Variants in TRIM3 observed in about 807,000 individuals in gnomAD.
TRIM3 encodes the protein tripartite motif-containing protein 3.
In TRIM3, 13 loss-of-function variants were observed where a neutral mutation model predicts 66.6. The observed-to-expected ratio is 0.20, with a 90% CI of 0.13 to 0.31. TRIM3 has a LOEUF of 0.31. Ranked by LOEUF, TRIM3 falls within the 10% of genes least tolerant of loss-of-function variation. TRIM3 has a pLI of 1.00. For missense variants in TRIM3, 711 were observed against 1,020.4 expected (o/e 0.70, Z 4.13); for synonymous variants, 406 against 411.7 (o/e 0.99, Z 0.17).
intron 2 of TRIM3, among the ~76,000 whole-genome samples, chr11:6,464,986 C>CAAAAAAAA (rs544959608): frequency 1.7e-4 from 9 of 54,160 alleles, no homozygotes; most frequent in Admixed American, 2.6e-4. Flanking sequence ...GACTCCATCT[C>CAAAAAAAA]AAAAAAAAAA....
At position 6,453,539 on chromosome 11, in the gene TRIM3, A is replaced by G. The variant is rs111604890; in HGVS notation, c.1534-2101T>C. On this transcript the variant is annotated intron_variant, in intron 7 of 11. Transcript: ENST00000345851. Reference sequence around the variant, plus strand: ...ACAAAACAAAACCAGACAAAAACAAAAACAAACCAGTGATTCCAGTAAAGT... The same window carrying G: ...ACAAAACAAAACCAGACAAAAACAAGAACAAACCAGTGATTCCAGTAAAGT... 5.1e-3 allele frequency among the ~76,000 whole-genome samples: 783 copies of G among 152,296 alleles called. 7 individuals carry two copies. The highest frequency in any genetic ancestry group is 0.018 in the African/African-American group (740 of 41,544).
At chr11:6,464,812 C>A (rs1334826790) in intron 2 of TRIM3, among the ~76,000 whole-genome samples, 1 of 151,990 alleles carries the variant, frequency 6.6e-6, no homozygotes, top group Non-Finnish European at 1.5e-5. Context: ...CACGGTGAAA[C>A]CCCATCTGTA....
rs545494291 is a variant in TRIM3 at position 6,450,530 on chromosome 11, G to A, written c.1941+21C>T. The A allele has an allele frequency of 5.4e-5, 87 of 1,608,536 alleles. 1 individual carries two copies. In the South Asian group the frequency reaches 7.9e-4, roughly 15 times the overall value. On this transcript the variant is annotated intron_variant, in intron 10 of 11. Transcript: ENST00000345851. This position sits in a 1 kb window ranked among gnomAD's most constrained non-coding sequence, Gnocchi z 4.8. The stretch of plus-strand genomic sequence containing the variant: ...GAAAGGATGTTGGGACAGTGGTCAC[G>A]GAGGGAGGGAAGACACTGACCTTCA...
Position 6,458,278 on chromosome 11 carries a change from G to A in TRIM3, c.150C>T (p.Ile50=). 2 of 1,613,792 alleles carry A rather than the reference G, an allele frequency of 1.2e-6. No individual in the cohort carries two copies. Among genetic ancestry groups the A allele is most frequent in the Non-Finnish European group, 8.5e-7 (1 of 1,179,702 alleles). Residue 50 remains isoleucine (I), a synonymous_variant, in exon 3 of 12, where the codon ATC becomes ATT. Transcript: ENST00000345851. This position sits in a 1 kb window ranked among gnomAD's most constrained non-coding sequence, Gnocchi z 6.2. ...AGGATAGCGTCAGGCTCTGGGCAGG[G>A]ATATAGTTTTGGAGACATCTGTCCA... is the stretch of plus-strand genomic sequence containing the variant. ...TFCERCLQNY[I]PAQSLTLSCP...
Position 6,450,857 on chromosome 11 carries a change from G to GT in TRIM3, c.1870+34dup. On this transcript the variant is annotated intron_variant, in intron 9 of 11. Coordinates refer to ENST00000345851, the MANE Select transcript of TRIM3 (RefSeq NM_033278.4). The surrounding 1 kb of genome is among the most constrained non-coding windows in gnomAD (Gnocchi z 4.8). ...TCTAGGGGAGTTCTCTGGAACAGGGGTATCAGCATAGATCTTGGAGCTGTC... is the reference window on the plus strand; with the variant it reads ...TCTAGGGGAGTTCTCTGGAACAGGGGTTATCAGCATAGATCTTGGAGCTGTC... 1 of 1,611,558 alleles carries GT rather than the reference G, an allele frequency of 6.2e-7. No homozygotes were observed. Among genetic ancestry groups the GT allele is most frequent in the South Asian group, 1.1e-5 (1 of 90,912 alleles).
Position 6,457,635 on chromosome 11 carries a change from C to G in TRIM3, c.515+61G>C. 1.9e-6 allele frequency: 3 copies of G among 1,575,192 alleles called. No individual in the cohort carries two copies. The highest frequency in any genetic ancestry group is 2.6e-6 in the Non-Finnish European group (3 of 1,158,036). On this transcript the variant is annotated intron_variant, in intron 4 of 11. Coordinates refer to ENST00000345851, the MANE Select transcript of TRIM3 (RefSeq NM_033278.4). The surrounding 1 kb of genome is among the most constrained non-coding windows in gnomAD (Gnocchi z 4.5). Reference sequence around the variant, plus strand: ...TTCCCAGACCCTTTATTCCCCTCCCCGCCCGAGCTAAGACACCATCCCTGT... The same window carrying G: ...TTCCCAGACCCTTTATTCCCCTCCCGGCCCGAGCTAAGACACCATCCCTGT...
rs781187322 is a variant in TRIM3, at chr11:6,457,376, C to G, written c.616G>C (p.Glu206Gln). 1 of 1,613,922 alleles carries G rather than the reference C, an allele frequency of 6.2e-7. No individual in the cohort carries two copies. The highest frequency in any genetic ancestry group is 8.5e-7 in the Non-Finnish European group (1 of 1,179,858). The change falls in exon 5 of 12, where the codon GAG becomes CAG. Residue 206 changes from glutamate to glutamine, a missense_variant. Around this residue, in one of 3 missense-constraint regions of TRIM3, gnomAD observed 399 missense variants for 458.1 expected, o/e 0.87. Coordinates refer to ENST00000345851, the MANE Select transcript of TRIM3 (RefSeq NM_033278.4). The surrounding 1 kb of genome is among the most constrained non-coding windows in gnomAD (Gnocchi z 4.5). ...EALAQISAAF[E>Q]DLEQALQQRK... ...TGCTGCAGTGCTTGCTCCAGGTCCTCGAACGCTGCACTGATCTGGGCCAGG... is the reference window on the plus strand; with the variant it reads ...TGCTGCAGTGCTTGCTCCAGGTCCTGGAACGCTGCACTGATCTGGGCCAGG...
In TRIM3 at chr11:6,456,313, C is replaced by T. The variant is rs1849967776; in HGVS notation, c.1413G>A (p.Glu471=). ...TGTCTGTACCAACACGGAAGACGAG[C>T]TCATCCTCAATTGGGTTGTCCTTTC... ...GKRKDNPIED[E]LVFRVGSRGR... is the part of the protein sequence containing the mutation. The change falls in exon 6 of 12, where the codon GAG becomes GAA. Residue 471 remains glutamate (E), a synonymous_variant. Coordinates refer to ENST00000345851, the MANE Select transcript of TRIM3 (RefSeq NM_033278.4). The surrounding 1 kb of genome is among the most constrained non-coding windows in gnomAD (Gnocchi z 6.4). The T allele has an allele frequency of 5.2e-6, 8 of 1,551,562 alleles. No individual in the cohort carries two copies. Among genetic ancestry groups the T allele is most frequent in the South Asian group, 1.2e-5 (1 of 80,850 alleles).
intron 2 of TRIM3, among the ~76,000 whole-genome samples, chr11:6,463,627 A>T (rs1201587898): frequency 1.3e-5 from 2 of 152,232 alleles, no homozygotes; most frequent in Admixed American, 1.3e-4. Context: ...CTGGGAAAAG[A>T]GGGAGCAGTC....
intron 8 of TRIM3, 64 bp downstream of exon 8, chr11:6,451,207 G>A: frequency 6.3e-7 from 1 of 1,598,392 alleles, no homozygotes; most frequent in South Asian, 1.1e-5. Context: ...TGACCACCAA[G>A]AGGCACTAGA....
rs1327911545 is a variant in TRIM3, at chr11:6,457,271, A to G, written c.696+25T>C. The G allele has an allele frequency of 6.2e-7, 1 of 1,611,610 alleles. No homozygotes were observed. The highest frequency in any genetic ancestry group is 8.5e-7 in the Non-Finnish European group (1 of 1,178,420). ...TAACACCATCACAATGGACGATGGT[A>G]GGAAAGGGTGAACACAAGACACACC... On this transcript the variant is annotated intron_variant, in intron 5 of 11. Transcript: ENST00000345851. The surrounding 1 kb of genome is among the most constrained non-coding windows in gnomAD (Gnocchi z 4.5).
Position 6,457,606 on chromosome 11 carries a change from GC to G in TRIM3, c.515+89del. 3.2e-6 allele frequency: 5 copies of G among 1,553,648 alleles called. No homozygotes were observed. In the South Asian group the frequency reaches 6.0e-5, roughly 19 times the overall value. On this transcript the variant is annotated intron_variant, in intron 4 of 11. Coordinates refer to ENST00000345851, the MANE Select transcript of TRIM3 (RefSeq NM_033278.4). This position sits in a 1 kb window ranked among gnomAD's most constrained non-coding sequence, Gnocchi z 4.5. ...AGACCTCCCTGAGACTTCCATCTCT[GC>G]CCTTCCCAGACCCTTTATTCCCCTC...
At chr11:6,463,578 T>C (rs73400829) in intron 2 of TRIM3, among the ~76,000 whole-genome samples, 56 of 152,222 alleles carry the variant, frequency 3.7e-4, no homozygotes, top group African/African-American at 1.3e-3. Flanking sequence ...GGGTCCAGGA[T>C]GGGCAGGAAA....
chr11:6,468,199 T>G (rs2134226011), intron 1 of TRIM3, among the ~76,000 whole-genome samples: 1 of 152,312 alleles, frequency 6.6e-6, no homozygotes, highest in East Asian at 1.9e-4. Context: ...CAATTATGAC[T>G]TAGCTTTCTC....
Position 6,457,569 on chromosome 11 carries a change from A to T in TRIM3, c.516-93T>A. The T allele has an allele frequency of 6.5e-7, 1 of 1,548,196 alleles. No individual in the cohort carries two copies. The highest frequency in any genetic ancestry group is 8.8e-7 in the Non-Finnish European group (1 of 1,140,798). On this transcript the variant is annotated intron_variant, in intron 4 of 11. Coordinates refer to ENST00000345851, the MANE Select transcript of TRIM3 (RefSeq NM_033278.4). This position sits in a 1 kb window ranked among gnomAD's most constrained non-coding sequence, Gnocchi z 4.5. ...GGAACCTACTGCTGCCCTCATGGAG[A>T]TCTCCTTCCTGAGACCTCCCTGAGA...
chr11:6,458,602 C>A lies in TRIM3; in HGVS notation c.132-306G>T, dbSNP rs908509807. Among the ~76,000 whole-genome samples, 2 of 152,186 alleles carry A rather than the reference C, an allele frequency of 1.3e-5. No homozygotes were observed. The highest frequency in any genetic ancestry group is 6.5e-5 in the Admixed American group (1 of 15,282). On this transcript the variant is annotated intron_variant, in intron 2 of 11. Transcript: ENST00000345851. This position sits in a 1 kb window ranked among gnomAD's most constrained non-coding sequence, Gnocchi z 6.2. ...CTCATAGGAATGTGCAACTAGGCAC[C>A]CCCTGCCCAACTTCTTTAACTCATT... is the stretch of plus-strand genomic sequence containing the variant.
chr11:6,472,992 T>C (rs1025696747), intron 1 of TRIM3: 2 of 152,704 alleles, frequency 1.3e-5, no homozygotes, highest in Non-Finnish European at 2.9e-5. Flanking sequence ...GATGTGATCT[T>C]CCTGCTAGGG....
At chr11:6,453,838 C>T (rs1163487343) in intron 7 of TRIM3, among the ~76,000 whole-genome samples, 2 of 152,214 alleles carry the variant, frequency 1.3e-5, no homozygotes, top group African/African-American at 4.8e-5. Context: ...TCGTGAGGAC[C>T]CCAATCCCCA....
chr11:6,456,551 G>A lies in TRIM3; in HGVS notation c.1175C>T (p.Ala392Val), dbSNP rs1483501401. Residue 392 changes from alanine (A) to valine (V), a missense_variant, in exon 6 of 12, where the codon GCG becomes GTG. By Grantham distance (64) the Ala-to-Val change is moderately conservative. This residue lies in a region of TRIM3 where 399 missense variants were observed against 458.1 expected (regional missense o/e 0.87). Transcript: ENST00000345851. The surrounding 1 kb of genome is among the most constrained non-coding windows in gnomAD (Gnocchi z 6.4). ...KNGTYELVYT[A>V]RTEGELLLSV... ...GAGGAGCAGCTCGCCTTCCGTGCGC[G>A]CTGTGTACACTAGCTCATATGTGCC... 4 of 1,609,488 alleles carry A rather than the reference G, an allele frequency of 2.5e-6. No homozygotes were observed. Among genetic ancestry groups the A allele is most frequent in the Non-Finnish European group, 3.4e-6 (4 of 1,177,234 alleles).
Sources: allele counts gnomAD v4.1 joint callset (sites outside exome capture counted in the v4.1 genomes callset), GRCh38; gene constraint gnomAD v4.1.1; regional missense constraint gnomAD v4.1.1; non-coding constraint Gnocchi (gnomAD v3.1); transcripts MANE v1.5; gene names NCBI Gene and HGNC (gene_info 2026-07-23, HGNC 2026-07-21).